Variants in CNTNAP2 observed in about 807,000 individuals in gnomAD.
CNTNAP2 encodes the protein contactin-associated protein-like 2.
A neutral mutation model predicts 155.2 loss-of-function variants in CNTNAP2; 98 were observed. The observed-to-expected ratio is 0.63, with a 90% CI of 0.54 to 0.75. The LOEUF is 0.75. Ranked by LOEUF, CNTNAP2 falls within the 30% of genes least tolerant of loss-of-function variation. The probability of loss-of-function intolerance (pLI) is 0.00; values close to 1 mark genes in which losing one functional copy is unlikely to be tolerated. For missense variants in CNTNAP2, 1,727 were observed against 1,688.1 expected (o/e 1.02, Z -0.40); for synonymous variants, 651 against 631.2 (o/e 1.03, Z -0.47).
intron 15 of CNTNAP2, among the ~76,000 whole-genome samples, chr7:148,095,767 T>A (rs77853322): frequency 0.069 from 10,535 of 152,242 alleles, 426 homozygotes; most frequent in South Asian, 0.19. Flanking sequence ...TCCCTAATCC[T>A]TCAAAGAGTT....
intron 19 of CNTNAP2, among the ~76,000 whole-genome samples, chr7:148,220,402 A>G (rs1002078169): frequency 2.6e-5 from 4 of 152,220 alleles, no homozygotes. Flanking sequence ...GTGCCTGGCC[A>G]ACATCATAAT....
chr7:147,724,206 G>A (rs1796608391), intron 13 of CNTNAP2, among the ~76,000 whole-genome samples: 1 of 151,896 alleles, frequency 6.6e-6, no homozygotes, highest in African/African-American at 2.4e-5. Context: ...ACCTAAAAAT[G>A]TATCAGGCAC....
chr7:146,430,698 T>G (rs1311261135), intron 1 of CNTNAP2, among the ~76,000 whole-genome samples: 4 of 152,014 alleles, frequency 2.6e-5, no homozygotes, highest in Non-Finnish European at 5.9e-5. Flanking sequence ...ACAGGGTGAT[T>G]ACCAATCTAC....
At chr7:147,842,575 C>CTTTTTTTTTTTTTTTTT (rs1798765764) in intron 13 of CNTNAP2, among the ~76,000 whole-genome samples, 1 of 75,976 alleles carries the variant, frequency 1.3e-5, no homozygotes, top group African/African-American at 5.2e-5. Context: ...TTTTTTTTTA[C>CTTTTTTTTTTTTTTTTT]TTTTTACTTT....
In CNTNAP2 at chr7:148,405,598, A is replaced by T. The variant is rs1799682955; in HGVS notation, c.3716-3793A>T. The stretch of plus-strand genomic sequence containing the variant: ...ACTACAGGCACGTGCCACCATGCAC[A>T]GCTAATTTTTTTTTTTTTTTTTTTT... On this transcript the variant is annotated intron_variant, in intron 22 of 23. Transcript: ENST00000361727. Among the ~76,000 whole-genome samples, 3 of 116,306 alleles carry T rather than the reference A, an allele frequency of 2.6e-5. No homozygotes were observed. In the South Asian group the frequency reaches 9.0e-4, roughly 35 times the overall value. The allele number at this position is 116,306 out of a possible 152,430, so 76.3% of individuals were successfully genotyped here. A position where few individuals can be genotyped will look rare whatever the true frequency, so the allele number is the denominator to read the frequency against.
intron 1 of CNTNAP2, among the ~76,000 whole-genome samples, chr7:146,165,923 T>A (rs1446667347): frequency 6.6e-6 from 1 of 152,224 alleles, no homozygotes; most frequent in Non-Finnish European, 1.5e-5. Flanking sequence ...AGTATCATAG[T>A]AATCACTTGT....
chr7:146,842,679 T>A (rs940437896), intron 3 of CNTNAP2, among the ~76,000 whole-genome samples: 5 of 151,570 alleles, frequency 3.3e-5, no homozygotes, highest in Non-Finnish European at 7.4e-5. Flanking sequence ...GAGACGGGGG[T>A]GTCACATACT....
At chr7:148,051,499 TAA>T (rs1802888538) in intron 15 of CNTNAP2, among the ~76,000 whole-genome samples, 1 of 152,076 alleles carries the variant, frequency 6.6e-6, no homozygotes, top group African/African-American at 2.4e-5. Context: ...CCATCGTAAT[TAA>T]AAGAGTATGT....
At chr7:146,691,948 T>G (rs1170774934) in intron 1 of CNTNAP2, among the ~76,000 whole-genome samples, 1 of 152,104 alleles carries the variant, frequency 6.6e-6, no homozygotes, top group Non-Finnish European at 1.5e-5. Context: ...CCCCTAAAAA[T>G]TTAAGGTCCT....
At chr7:147,503,698 T>A (rs201394555) in intron 11 of CNTNAP2, among the ~76,000 whole-genome samples, 1,628 of 97,298 alleles carry the variant, frequency 0.017, 23 homozygotes, top group African/African-American at 0.076. Flanking sequence ...AAAAAAAAAA[T>A]ATTTTTGACA....
At chr7:146,669,049 T>C (rs1800250845) in intron 1 of CNTNAP2, among the ~76,000 whole-genome samples, 1 of 152,166 alleles carries the variant, frequency 6.6e-6, no homozygotes, top group Non-Finnish European at 1.5e-5. Context: ...ATCAAATAAA[T>C]GGATACAATA....
rs141490209 is a variant in CNTNAP2, at chr7:148,396,216, C to T, written c.3715+12328C>T. On this transcript the variant is annotated intron_variant, in intron 22 of 23. Transcript: ENST00000361727. ...ACAGTATTCATTTTTGCGTCATGCT[C>T]GTGCTACAGGAATGCTATGAGTAGC... is the stretch of plus-strand genomic sequence containing the variant. Among the ~76,000 whole-genome samples the T allele has an allele frequency of 6.7e-5, 10 of 149,772 alleles. No homozygotes were observed. In the East Asian group the frequency reaches 7.7e-4, roughly 12 times the overall value.
chr7:148,384,723 G>A (rs55774649), intron 22 of CNTNAP2, among the ~76,000 whole-genome samples: 4,288 of 152,216 alleles, frequency 0.028, 93 homozygotes, highest in Non-Finnish European at 0.041. Flanking sequence ...AAGAAGATGA[G>A]GCAGGAAGCA....
intron 1 of CNTNAP2, among the ~76,000 whole-genome samples, chr7:146,121,964 C>T (rs149320329): frequency 6.6e-6 from 1 of 152,138 alleles, no homozygotes; most frequent in African/African-American, 2.4e-5. Flanking sequence ...CTCCTGGGCT[C>T]TGTAGAAGCT....
At chr7:148,332,422 G>C (rs1223478925) in intron 21 of CNTNAP2, among the ~76,000 whole-genome samples, 1 of 152,182 alleles carries the variant, frequency 6.6e-6, no homozygotes, top group East Asian at 1.9e-4. Flanking sequence ...GAGCAGTTCA[G>C]AGAGAAAGGA....
chr7:148,207,378 G>A (rs1795469003), intron 18 of CNTNAP2, among the ~76,000 whole-genome samples: 1 of 152,192 alleles, frequency 6.6e-6, no homozygotes, highest in Non-Finnish European at 1.5e-5. Flanking sequence ...GGCCGCTGAG[G>A]CCAAGAAGGG....
At position 147,129,979 on chromosome 7, in the gene CNTNAP2, A is replaced by G. The variant is rs187412616; in HGVS notation, c.1083+1143A>G. Among the ~76,000 whole-genome samples, 227 of 152,318 alleles carry G rather than the reference A, an allele frequency of 1.5e-3. 1 individual carries two copies. Among genetic ancestry groups the G allele is most frequent in the Admixed American group, 0.014 (221 of 15,284 alleles). On this transcript the variant is annotated intron_variant, in intron 7 of 23. Transcript: ENST00000361727. Reference sequence around the variant, plus strand: ...ACAGGTATTGTGCTAGGCAAGTCGTATTTTATATTTAGGATGATCTGAGAA... The same window carrying G: ...ACAGGTATTGTGCTAGGCAAGTCGTGTTTTATATTTAGGATGATCTGAGAA...
intron 8 of CNTNAP2, among the ~76,000 whole-genome samples, chr7:147,294,544 T>A (rs1805386358): frequency 6.6e-6 from 1 of 152,222 alleles, no homozygotes; most frequent in Non-Finnish European, 1.5e-5. Context: ...TTAGTTGTCC[T>A]GTAGGTGAAA....
At chr7:147,487,160 T>C (rs980254516) in intron 11 of CNTNAP2, among the ~76,000 whole-genome samples, 1 of 152,188 alleles carries the variant, frequency 6.6e-6, no homozygotes, top group Admixed American at 6.5e-5. Context: ...TTTGAATATA[T>C]TGTAAAATGT....
Sources: gnomAD v4.1 joint callset for allele counts (sites outside exome capture counted in the v4.1 genomes callset) on GRCh38, gnomAD v4.1.1 for gene constraint, MANE v1.5 for transcripts, NCBI Gene and HGNC (gene_info 2026-07-23, HGNC 2026-07-21) for gene names.